Variants in NBPF20 observed in about 807,000 individuals in gnomAD.
The protein encoded by NBPF20 is NBPF member 20.
NBPF20 carries 90 observed loss-of-function variants against 68.1 expected under a neutral mutation model. The observed-to-expected ratio is 1.32, with a 90% CI of 1.11 to 1.58. The LOEUF (loss-of-function observed/expected upper bound fraction) is 1.58. NBPF20 is among the 40% of genes most tolerant of loss of function. The pLI is 0.00. For synonymous variants in NBPF20, 290 were observed against 228.1 expected (o/e 1.27, Z -2.45); for missense variants, 816 against 601.2 (o/e 1.36, Z -3.74).
chr1:145,292,616 A>C, intron 136 of NBPF20, 127 bp from the exon 142 acceptor site: 2 of 745,558 alleles, frequency 2.7e-6, no homozygotes. Context: ...TTTGAGAGAT[A>C]TATTTCAGGA....
intron 5 of NBPF20, 104 bp downstream of exon 10, chr1:145,400,955 C>A: frequency 2.1e-6 from 3 of 1,405,536 alleles, no homozygotes; most frequent in South Asian, 1.2e-5. Context: ...TGTGGCCAAG[C>A]AAATGTGGGT....
At chr1:145,306,277 A>G (rs1661406096) in intron 119 of NBPF20, among the ~76,000 whole-genome samples, 2 of 148,700 alleles carry the variant, frequency 1.3e-5, no homozygotes, top group Admixed American at 1.3e-4. Flanking sequence ...ACACACACAC[A>G]CACACACACA....
chr1:145,397,744 T>G (rs1257369257), intron 7 of NBPF20, among the ~76,000 whole-genome samples: 2 of 152,150 alleles, frequency 1.3e-5, no homozygotes, highest in Non-Finnish European at 2.9e-5. Flanking sequence ...ATATTAACCT[T>G]AAATGTAAAT....
intron 7 of NBPF20, among the ~76,000 whole-genome samples, chr1:145,398,790 G>A (rs1662379259): frequency 6.6e-6 from 1 of 151,434 alleles, no homozygotes; most frequent in Non-Finnish European, 1.5e-5. Context: ...ATCCAGGGCT[G>A]GTTTTTTGAA....
chr1:145,399,776 C>CAAGA (rs1211006980), intron 6 of NBPF20, among the ~76,000 whole-genome samples: 1 of 51,724 alleles, frequency 1.9e-5, no homozygotes, highest in Non-Finnish European at 3.4e-5. Context: ...GACTCCATCA[C>CAAGA]AAAAAAAAAA....
At chr1:145,411,067 T>C in the NBPF20 span, among the ~76,000 whole-genome samples, 4 of 147,130 alleles carry the variant, frequency 2.7e-5, no homozygotes, top group African/African-American at 4.9e-5. Context: ...AGAGTAATTC[T>C]GGAAATAGGT....
chr1:145,296,044 T>A lies in NBPF20; in HGVS notation c.16138+294A>T, dbSNP rs1214916679. The A allele has an allele frequency of 2.4e-5, 4 of 163,584 alleles. 1 individual carries two copies. Among genetic ancestry groups the A allele is most frequent in the East Asian group, 3.9e-4 (2 of 5,168 alleles). 10.1% of individuals were successfully genotyped at this position (163,584 alleles called of 1,614,324 possible). A position where few individuals can be genotyped will look rare whatever the true frequency, so the allele number is the denominator to read the frequency against. On this transcript the variant is annotated intron_variant, in intron 132 of 137. Coordinates refer to ENST00000369373, the Ensembl canonical transcript of NBPF20. ...ATGAAATCTACAAGATCTACAAAATTGAGACAAAATCAGAGTTGTGTGAAT... is the reference window on the plus strand; with the variant it reads ...ATGAAATCTACAAGATCTACAAAATAGAGACAAAATCAGAGTTGTGTGAAT...
chr1:145,407,643 C>CA (rs1288778096), upstream of NBPF20: 2 of 150,884 alleles, frequency 1.3e-5, no homozygotes, highest in Admixed American at 6.6e-5. Context: ...GCACAGCTAG[C>CA]AGAGTCGTGG....
rs1214346578 is a variant in NBPF20, at chr1:145,291,964, C to CAG, written c.16698-197_16698-196dup. Among the ~76,000 whole-genome samples the CAG allele has an allele frequency of 6.0e-5, 9 of 150,132 alleles. 1 individual carries two copies. In the South Asian group the frequency reaches 6.3e-4, roughly 10 times the overall value. ...GGTAGAAAACAATGAAAGAGAAAGA[C>CAG]AGAGAGAGAGAGACAGAGACAGAGA... On this transcript the variant is annotated intron_variant, in intron 137 of 137. Transcript: ENST00000369373.
exon 4 of NBPF20, chr1:145,402,233 C>T (rs1254304259): frequency 2.5e-6 from 4 of 1,607,612 alleles, no homozygotes; most frequent in African/African-American, 1.3e-5. Flanking sequence ...TCTTGGAGGT[C>T]CTGCCCCTGG....
intron 136 of NBPF20, among the ~76,000 whole-genome samples, 168 bp from the exon 142 acceptor site, chr1:145,292,657 T>C (rs1161687655): frequency 3.4e-5 from 5 of 147,936 alleles, no homozygotes; most frequent in Admixed American, 6.7e-5. Context: ...TAGAACTTCC[T>C]CGGTTTTTCT....
intron 5 of NBPF20, 36 bp downstream of exon 10, chr1:145,401,023 A>C: frequency 1.3e-6 from 2 of 1,529,792 alleles, no homozygotes; most frequent in Non-Finnish European, 1.8e-6. Flanking sequence ...CTCATATGTT[A>C]CCATCCATTA....
chr1:145,366,613 G>T (rs1325501048), intron 43 of NBPF20, among the ~76,000 whole-genome samples: 5 of 84,836 alleles, frequency 5.9e-5, no homozygotes, highest in African/African-American at 1.1e-4. Context: ...CACACAGAGA[G>T]AACGAGCTCA....
chr1:145,410,515 G>A (rs1329174926), upstream of NBPF20, among the ~76,000 whole-genome samples: 3 of 150,294 alleles, frequency 2.0e-5, no homozygotes, highest in African/African-American at 4.9e-5. Flanking sequence ...GGGTTTCACC[G>A]TTTTAGCCGG....
chr1:145,425,581 C>G, the NBPF20 span, among the ~76,000 whole-genome samples: 9 of 152,208 alleles, frequency 5.9e-5, no homozygotes, highest in African/African-American at 2.2e-4. Context: ...CAGCTGGATC[C>G]TCAGGGTCTC....
chr1:145,291,716 A>T, exon 138 of NBPF20: 1 of 1,612,016 alleles, frequency 6.2e-7, no homozygotes, highest in South Asian at 1.1e-5. Flanking sequence ...ACATCCATCC[A>T]GTGAGTCCTG....
chr1:145,292,601 G>T, intron 136 of NBPF20, 112 bp from the exon 142 acceptor site: 2 of 748,238 alleles, frequency 2.7e-6, no homozygotes, highest in East Asian at 4.9e-5. Context: ...ATAAGAATAG[G>T]ACACTTTGAG....
At chr1:145,394,781 G>C (rs1164020243) in intron 8 of NBPF20, among the ~76,000 whole-genome samples, 197 bp downstream of exon 13, 3 of 152,170 alleles carry the variant, frequency 2.0e-5, no homozygotes, top group African/African-American at 7.2e-5. Flanking sequence ...AGACTAGGAA[G>C]AGAGCAAAGC....
intron 112 of NBPF20, among the ~76,000 whole-genome samples, chr1:145,311,964 G>A (rs1241047501): frequency 4.2e-5 from 4 of 94,526 alleles, no homozygotes; most frequent in East Asian, 2.9e-4. Context: ...CAGGTCCAAC[G>A]TCATGAGAGT....
Sources: allele counts gnomAD v4.1 joint callset (sites outside exome capture counted in the v4.1 genomes callset), GRCh38; gene constraint gnomAD v4.1.1; transcripts MANE v1.5; gene names NCBI Gene and HGNC (gene_info 2026-07-23, HGNC 2026-07-21).